The following ASIC2 variants were observed in gnomAD, a reference collection of about 807,000 sequenced individuals.
ASIC2 encodes the protein acid sensing ion channel subunit 2, also known as acid-sensing ion channel 2.
A neutral mutation model predicts 57.3 loss-of-function variants in ASIC2; 25 were observed. The observed-to-expected ratio is 0.44, with a 90% confidence interval of 0.32 to 0.61. ASIC2 has a LOEUF of 0.61. Ranked by LOEUF, ASIC2 falls within the 20% of genes least tolerant of loss-of-function variation. ASIC2 has a pLI of 0.06. For missense variants in ASIC2, 641 were observed against 738.1 expected, an observed-to-expected ratio of 0.87 and a Z score of 1.52; for synonymous variants, 319 against 307.5, an observed-to-expected ratio of 1.04 and a Z score of -0.39.
upstream of ASIC2, among the ~76,000 whole-genome samples, chr17:33,296,609 ATGT>A (rs1198127044): frequency 6.6e-6 from 1 of 152,128 alleles, no homozygotes; most frequent in Non-Finnish European, 1.5e-5. Flanking sequence ...ATTCTGTGTG[ATGT>A]TGTGTGCAGT....
intron 1 of ASIC2, among the ~76,000 whole-genome samples, chr17:33,996,649 C>A (rs765148457): frequency 9.2e-5 from 14 of 152,276 alleles, no homozygotes; most frequent in Non-Finnish European, 1.8e-4. Context: ...GTGCCTCTGA[C>A]AAAAATTAAT....
intron 1 of ASIC2, among the ~76,000 whole-genome samples, chr17:34,059,841 C>T (rs536952010): frequency 2.0e-4 from 31 of 152,290 alleles, no homozygotes; most frequent in Non-Finnish European, 3.8e-4. Context: ...GCAGCAAAAC[C>T]CGCCCAAGGA....
At chr17:34,144,238 T>C (rs943609003) in intron 1 of ASIC2, among the ~76,000 whole-genome samples, 3 of 152,232 alleles carry the variant, frequency 2.0e-5, no homozygotes, top group Admixed American at 6.5e-5. Context: ...TGGGATACAG[T>C]ATGTGCTCAG....
In ASIC2 at chr17:33,815,834, G is replaced by T. The variant is rs561373547; in HGVS notation, c.555+340144C>A. Among the ~76,000 whole-genome samples the T allele has an allele frequency of 1.7e-3, 264 of 152,320 alleles. 2 individuals carry two copies. The highest frequency in any genetic ancestry group is 3.0e-3 in the Non-Finnish European group (202 of 68,036). ...CTCTCATTTTACAGATGGGGAAACT[G>T]AGGCCCAGAAAGGGAAGTGATACCG... On this transcript the variant is annotated intron_variant, in intron 1 of 9. Coordinates refer to the ASIC2 transcript ENST00000359872.
intron 1 of ASIC2, among the ~76,000 whole-genome samples, chr17:33,894,647 C>T (rs1915047560): frequency 6.6e-6 from 1 of 152,094 alleles, no homozygotes; most frequent in Non-Finnish European, 1.5e-5. Context: ...TCCTCACCTG[C>T]AAAATGAGAT....
intron 1 of ASIC2, among the ~76,000 whole-genome samples, chr17:33,758,233 T>G (rs1260652028): frequency 6.6e-6 from 1 of 152,184 alleles, no homozygotes; most frequent in East Asian, 1.9e-4. Context: ...GGAAGTGTGA[T>G]ACCAATTCTT....
chr17:33,335,190 T>C (rs1376128450), intron 1 of ASIC2, among the ~76,000 whole-genome samples: 2 of 152,168 alleles, frequency 1.3e-5, no homozygotes, highest in Non-Finnish European at 2.9e-5. Context: ...AAATGATAAT[T>C]GTCAGGCACT....
At chr17:33,236,498 TAC>T (rs1258554146) in intron 1 of ASIC2, among the ~76,000 whole-genome samples, 1 of 152,052 alleles carries the variant, frequency 6.6e-6, no homozygotes, top group Non-Finnish European at 1.5e-5. Context: ...TGCACGCTAC[TAC>T]ACCCAGCTAA....
intron 1 of ASIC2, among the ~76,000 whole-genome samples, chr17:33,528,583 G>T (rs1463248902): frequency 6.6e-6 from 1 of 152,114 alleles, no homozygotes; most frequent in Non-Finnish European, 1.5e-5. Context: ...GGATTGGTTG[G>T]CAGGGAGAAT....
Position 33,344,453 on chromosome 17 carries a change from G to A in ASIC2, c.556-232386C>T, listed in dbSNP as rs555941421. On this transcript the variant is annotated intron_variant, in intron 1 of 9. Transcript: ENST00000359872. ...GATAGTAGCTTCCTGGGACACGACAGGTGGAATCAGCTTCTAGTGAAGGAA... is the reference window on the plus strand; with the variant it reads ...GATAGTAGCTTCCTGGGACACGACAAGTGGAATCAGCTTCTAGTGAAGGAA... 1.3e-3 allele frequency among the ~76,000 whole-genome samples: 204 copies of A among 152,298 alleles called. 2 individuals are homozygous for A. Among genetic ancestry groups the A allele is most frequent in the Non-Finnish European group, 1.6e-3 (111 of 68,030 alleles).
chr17:33,440,392 C>T lies in ASIC2; in HGVS notation c.556-328325G>A, dbSNP rs535672023. ...AAACAGCTGACAATTGGATTATTTC[C>T]ACATTTTGATTATTAAGCATAGTGC... is the stretch of plus-strand genomic sequence containing the variant. On this transcript the variant is annotated intron_variant, in intron 1 of 9. Transcript: ENST00000359872. 1.8e-4 allele frequency among the ~76,000 whole-genome samples: 28 copies of T among 152,254 alleles called. No homozygotes were observed. The South Asian group carries it at 5.4e-3, about 29-fold the overall frequency.
At chr17:33,195,362 C>T (rs1597624672) in intron 1 of ASIC2, among the ~76,000 whole-genome samples, 2 of 152,098 alleles carry the variant, frequency 1.3e-5, no homozygotes, top group East Asian at 1.9e-4. Context: ...CGCTTTACAC[C>T]TCAGAATTCT....
At chr17:33,670,851 T>C (rs1907617700) in intron 1 of ASIC2, among the ~76,000 whole-genome samples, 1 of 152,238 alleles carries the variant, frequency 6.6e-6, no homozygotes, top group African/African-American at 2.4e-5. Context: ...CATTGGTATA[T>C]GTAAAAGAGT....
At chr17:33,892,156 T>C (rs1914977681) in intron 1 of ASIC2, among the ~76,000 whole-genome samples, 1 of 152,198 alleles carries the variant, frequency 6.6e-6, no homozygotes, top group Non-Finnish European at 1.5e-5. Context: ...ATGTTTGTAC[T>C]CATTTGAGAA....
In ASIC2 at chr17:34,018,914, G is replaced by GT. The variant is rs796680487; in HGVS notation, c.555+137063dup. ...CAAATAAAGTGACTTCTTTTTGTTT[G>GT]TTTTTTTTTTTGAGACGGAGTCTCG... On this transcript the variant is annotated intron_variant, in intron 1 of 9. Coordinates refer to the ASIC2 transcript ENST00000359872. Among the ~76,000 whole-genome samples, 421 of 146,202 alleles carry GT rather than the reference G, an allele frequency of 2.9e-3. 1 individual carries two copies. Among genetic ancestry groups the GT allele is most frequent in the African/African-American group, 5.6e-3 (225 of 40,112 alleles).
chr17:33,043,673 A>G (rs2091938465), intron 3 of ASIC2, among the ~76,000 whole-genome samples: 1 of 152,220 alleles, frequency 6.6e-6, no homozygotes, highest in African/African-American at 2.4e-5. Context: ...AGAACAGACA[A>G]AACTTATTAT....
chr17:33,972,035 G>A (rs1905240879), intron 1 of ASIC2, among the ~76,000 whole-genome samples: 1 of 152,152 alleles, frequency 6.6e-6, no homozygotes, highest in Admixed American at 6.5e-5. Context: ...TGCGGGATGG[G>A]GGATTAATGG....
At chr17:33,053,559 G>A (rs2091985977) in intron 3 of ASIC2, among the ~76,000 whole-genome samples, 1 of 152,124 alleles carries the variant, frequency 6.6e-6, no homozygotes, top group African/African-American at 2.4e-5. Flanking sequence ...TTTCTCTCCA[G>A]GACTGTTGCA....
intron 1 of ASIC2, among the ~76,000 whole-genome samples, chr17:33,419,921 C>T (rs1176150381): frequency 5.9e-5 from 9 of 151,880 alleles, no homozygotes; most frequent in Non-Finnish European, 1.3e-4. Context: ...TAAAATGGTC[C>T]ATTCACAGAC....
Sources: allele counts gnomAD v4.1 joint callset (sites outside exome capture counted in the v4.1 genomes callset), GRCh38; gene constraint gnomAD v4.1.1; transcripts MANE v1.5; gene names NCBI Gene and HGNC (gene_info 2026-07-23, HGNC 2026-07-21).